CACNA2D3: variants seen among roughly 807,000 people sequenced by gnomAD.
The protein encoded by CACNA2D3 is voltage-dependent calcium channel subunit alpha-2/delta-3.
CACNA2D3 carries 60 observed loss-of-function variants against 160.6 expected under a neutral mutation model. The ratio of observed to expected loss-of-function variants is 0.37; its 90% confidence interval spans 0.30 to 0.46. CACNA2D3 has a LOEUF of 0.46. Among genes scored for constraint, CACNA2D3 ranks in the 20% least tolerant of loss-of-function variants. The pLI is 1.00. For synonymous variants in CACNA2D3, 558 were observed against 492.9 expected (o/e 1.13, Z -1.75); for missense variants, 1,205 against 1,365.0 (o/e 0.88, Z 1.85).
At chr3:54,533,790 A>G (rs1701842328) in intron 5 of CACNA2D3, among the ~76,000 whole-genome samples, 1 of 82,450 alleles carries the variant, frequency 1.2e-5, no homozygotes, top group East Asian at 3.6e-4. Context: ...TTGAAATGGA[A>G]AATAGTGTGT....
intron 14 of CACNA2D3, among the ~76,000 whole-genome samples, chr3:54,821,697 T>TTTCCTTCCTTCC (rs71096452): frequency 0.018 from 1,475 of 84,048 alleles, 66 homozygotes; most frequent in East Asian, 0.082. Flanking sequence ...TCTTTCTTTC[T>TTTCCTTCCTTCC]TTCCTTCCTT....
intron 17 of CACNA2D3, among the ~76,000 whole-genome samples, chr3:54,855,209 G>T (rs1223702835): frequency 2.0e-5 from 3 of 152,166 alleles, no homozygotes; most frequent in Admixed American, 6.5e-5. Flanking sequence ...GGAGAGAGGG[G>T]AGGGGAGTCA....
rs551734451 is a variant in CACNA2D3, at chr3:54,536,162, T to A, written c.545-26638T>A. ...TGTTCAGCCTTGACCTCTAATCCTA[T>A]GATATAGAGCTAGTGAAAAACTGCC... On this transcript the variant is annotated intron_variant, in intron 5 of 37. Coordinates refer to ENST00000474759, the MANE Select transcript of CACNA2D3 (RefSeq NM_018398.3). Among the ~76,000 whole-genome samples, 16 of 152,230 alleles carry A rather than the reference T, an allele frequency of 1.1e-4. No individual in the cohort carries two copies. In the East Asian group the frequency reaches 1.7e-3, roughly 17 times the overall value.
chr3:54,605,445 T>C (rs1386453055), intron 9 of CACNA2D3, among the ~76,000 whole-genome samples: 1 of 152,140 alleles, frequency 6.6e-6, no homozygotes, highest in Non-Finnish European at 1.5e-5. Flanking sequence ...TTCACCAGCA[T>C]TTCAGACATG....
rs563323590 is a variant in CACNA2D3 at position 54,850,309 on chromosome 3, T to TG, written c.1626+3846dup. Among the ~76,000 whole-genome samples, 98 of 152,306 alleles carry TG rather than the reference T, an allele frequency of 6.4e-4. 1 individual carries two copies. Among genetic ancestry groups the TG allele is most frequent in the African/African-American group, 2.2e-3 (93 of 41,572 alleles). Reference sequence around the variant, plus strand: ...TGGGGACAGACACCTGTTCTCAAGGTGGGGAATGGAACAACAGCACGTAGC... The same window carrying TG: ...TGGGGACAGACACCTGTTCTCAAGGTGGGGGAATGGAACAACAGCACGTAGC... On this transcript the variant is annotated intron_variant, in intron 17 of 37. Coordinates refer to ENST00000474759, the MANE Select transcript of CACNA2D3 (RefSeq NM_018398.3).
intron 27 of CACNA2D3, chr3:54,924,698 T>C: frequency 6.2e-7 from 1 of 1,614,098 alleles, no homozygotes; most frequent in Non-Finnish European, 8.5e-7. Flanking sequence ...CCTTGAGAAG[T>C]AAAAGCCTCA....
intron 11 of CACNA2D3, among the ~76,000 whole-genome samples, chr3:54,731,584 A>T (rs893668978): frequency 5.3e-5 from 8 of 152,162 alleles, no homozygotes; most frequent in Non-Finnish European, 1.5e-5. Flanking sequence ...TCTGGGGCTC[A>T]TCTTGGCCCT....
chr3:54,678,591 C>T (rs776052509), intron 11 of CACNA2D3, among the ~76,000 whole-genome samples: 10 of 151,372 alleles, frequency 6.6e-5, no homozygotes, highest in South Asian at 2.1e-4. Flanking sequence ...CATGGTGGTG[C>T]GCGCCTGTAG....
At chr3:54,872,139 T>C (rs1192562052) in intron 18 of CACNA2D3, among the ~76,000 whole-genome samples, 2 of 152,182 alleles carry the variant, frequency 1.3e-5, no homozygotes, top group African/African-American at 2.4e-5. Flanking sequence ...TTCCTGTACC[T>C]TCCCAGCCTT....
intron 27 of CACNA2D3, among the ~76,000 whole-genome samples, chr3:54,921,559 A>T (rs930342179): frequency 4.5e-4 from 68 of 152,120 alleles, no homozygotes; most frequent in African/African-American, 1.5e-3. Flanking sequence ...AAATTTTCCC[A>T]CTTTTTGTGG....
At chr3:54,814,147 G>T (rs987371411) in intron 13 of CACNA2D3, among the ~76,000 whole-genome samples, 1 of 152,150 alleles carries the variant, frequency 6.6e-6, no homozygotes, top group Non-Finnish European at 1.5e-5. Flanking sequence ...GGGATCACAG[G>T]TGTGAGCCAC....
At chr3:54,209,477 C>T (rs973367535) in intron 2 of CACNA2D3, among the ~76,000 whole-genome samples, 2 of 152,152 alleles carry the variant, frequency 1.3e-5, no homozygotes, top group African/African-American at 2.4e-5. Context: ...ATCCCTGTAC[C>T]GATTCTGTAC....
intron 27 of CACNA2D3, among the ~76,000 whole-genome samples, chr3:54,924,266 G>C (rs1700944737): frequency 1.3e-5 from 2 of 152,206 alleles, no homozygotes. Context: ...AATTGGATCA[G>C]ACTTGATAAT....
chr3:54,891,293 T>C, intron 24 of CACNA2D3, 62 bp from the exon 25 acceptor site: 6 of 1,100,480 alleles, frequency 5.5e-6, no homozygotes, highest in Non-Finnish European at 8.2e-6. Flanking sequence ...AGTCTTAAAA[T>C]GCAATGTATT....
At chr3:54,582,088 A>G (rs768887379) in intron 9 of CACNA2D3, among the ~76,000 whole-genome samples, 19 of 152,334 alleles carry the variant, frequency 1.2e-4, no homozygotes, top group African/African-American at 2.6e-4. Flanking sequence ...TTCTGAAACA[A>G]TTGCATTCAC....
In CACNA2D3 at chr3:54,973,387, C is replaced by T. The variant is rs112411168; in HGVS notation, c.2556+3543C>T. The stretch of plus-strand genomic sequence containing the variant: ...TGAGAGTACCAGGAGTTAGCAAAGA[C>T]GGTGGAAGGTGAGAAGGTGTCTCCT... On this transcript the variant is annotated intron_variant, in intron 29 of 37. Coordinates refer to ENST00000474759, the MANE Select transcript of CACNA2D3 (RefSeq NM_018398.3). 7.9e-5 allele frequency among the ~76,000 whole-genome samples: 12 copies of T among 152,224 alleles called. 1 individual carries two copies. The highest frequency in any genetic ancestry group is 2.9e-4 in the African/African-American group (12 of 41,544).
intron 23 of CACNA2D3, among the ~76,000 whole-genome samples, chr3:54,887,165 C>A (rs113660201): frequency 6.6e-6 from 1 of 152,086 alleles, no homozygotes; most frequent in African/African-American, 2.4e-5. Context: ...GTGGCTCATG[C>A]CTGTAATCCC....
intron 11 of CACNA2D3, among the ~76,000 whole-genome samples, chr3:54,717,622 G>C (rs1701077023): frequency 7.1e-6 from 1 of 141,084 alleles, no homozygotes; most frequent in African/African-American, 2.7e-5. Context: ...TGTGTGTAGT[G>C]TGCATGTGTG....
chr3:54,958,885 C>T (rs2107039760), intron 27 of CACNA2D3, among the ~76,000 whole-genome samples: 1 of 152,238 alleles, frequency 6.6e-6, no homozygotes, highest in South Asian at 2.1e-4. Context: ...AGGAGGATTG[C>T]TTGAACCCAG....
Sources: gnomAD v4.1 joint callset for allele counts (sites outside exome capture counted in the v4.1 genomes callset) on GRCh38, gnomAD v4.1.1 for gene constraint, MANE v1.5 for transcripts, NCBI Gene and HGNC (gene_info 2026-07-23, HGNC 2026-07-21) for gene names.